The following SLC31A1 variants were observed in gnomAD, a reference collection of about 807,000 sequenced individuals.
SLC31A1 encodes the protein high affinity copper uptake protein 1.
Under a neutral mutation model 17.2 loss-of-function variants are expected in SLC31A1, and 5 were observed. That is an observed-to-expected ratio of 0.29 (90% confidence interval 0.15 to 0.61). SLC31A1 has a LOEUF of 0.61. Among genes scored for constraint, SLC31A1 ranks in the 20% least tolerant of loss-of-function variants. SLC31A1 has a pLI of 0.86. For synonymous variants in SLC31A1, 76 were observed against 78.8 expected, an observed-to-expected ratio of 0.96 and a Z score of 0.19; for missense variants, 161 against 241.4, an observed-to-expected ratio of 0.67 and a Z score of 2.21.
chr9:113,224,038 T>C (rs1831315233), intron 1 of SLC31A1, among the ~76,000 whole-genome samples: 1 of 152,226 alleles, frequency 6.6e-6, no homozygotes, highest in Non-Finnish European at 1.5e-5. Context: ...TTGCCATTCT[T>C]TTAACATAAG....
intron 4 of SLC31A1, 126 bp from the exon 5 acceptor site, chr9:113,260,146 T>G: frequency 1.3e-6 from 1 of 784,638 alleles, no homozygotes; most frequent in Admixed American, 1.8e-5. Flanking sequence ...AACATTCAAG[T>G]ACCCATGAGT....
At chr9:113,239,299 C>A (rs959253479) in intron 1 of SLC31A1, among the ~76,000 whole-genome samples, 3 of 146,048 alleles carry the variant, frequency 2.1e-5, no homozygotes, top group Admixed American at 6.9e-5. Flanking sequence ...GGAATAAATT[C>A]TTCTTACTAA....
chr9:113,256,366 C>A, intron 2 of SLC31A1, 89 bp downstream of exon 2: 1 of 1,466,560 alleles, frequency 6.8e-7, no homozygotes, highest in South Asian at 1.2e-5. Context: ...AGCTTATTAT[C>A]TTTAAAGGTC....
chr9:113,255,986 A>C, intron 1 of SLC31A1, 128 bp from the exon 2 acceptor site: 1 of 651,968 alleles, frequency 1.5e-6, no homozygotes, highest in South Asian at 2.1e-5. Context: ...CAGTAGTGGG[A>C]TCATGCCTGT....
At chr9:113,230,397 A>G (rs1162917505) in intron 1 of SLC31A1, among the ~76,000 whole-genome samples, 2 of 152,134 alleles carry the variant, frequency 1.3e-5, no homozygotes, top group African/African-American at 4.8e-5. Context: ...AGCTGAGACT[A>G]CAGGCATGCA....
At position 113,258,752 on chromosome 9, in the gene SLC31A1, G is replaced by A; in HGVS notation, c.261G>A (p.Lys87=). Residue 87 remains lysine (K), a synonymous_variant, in exon 4 of 5, where the codon AAG becomes AAA. Coordinates refer to ENST00000374212, the MANE Select transcript of SLC31A1 (RefSeq NM_001859.4). This position sits in a 1 kb window ranked among gnomAD's most constrained non-coding sequence, Gnocchi z 4.8. ...FLLAMFYEGL[K]IARESLLRKS... is the part of the protein sequence containing the mutation. ...TAGCAATGTTCTATGAAGGACTCAA[G>A]ATAGCCCGAGAGAGCCTGCTGCGTA... 6.2e-7 allele frequency: 1 copy of A among 1,614,202 alleles called. No homozygotes were observed. Among genetic ancestry groups the A allele is most frequent in the South Asian group, 1.1e-5 (1 of 91,084 alleles).
intron 1 of SLC31A1, among the ~76,000 whole-genome samples, chr9:113,233,155 T>C (rs2118988575): frequency 6.6e-6 from 1 of 152,266 alleles, no homozygotes; most frequent in Middle Eastern, 3.4e-3. Context: ...TCCTATGAAA[T>C]AGGTTAGTTT....
intron 1 of SLC31A1, among the ~76,000 whole-genome samples, chr9:113,255,204 G>C (rs1466834469): frequency 6.6e-6 from 1 of 152,138 alleles, no homozygotes; most frequent in African/African-American, 2.4e-5. Context: ...CAAATATCCT[G>C]ATTAGGCACA....
Position 113,221,578 on chromosome 9 carries a change from C to T in SLC31A1, c.-136C>T. The T allele has an allele frequency of 2.3e-6, 1 of 433,404 alleles. No individual in the cohort carries two copies. Among genetic ancestry groups the T allele is most frequent in the Non-Finnish European group, 4.3e-6 (1 of 230,794 alleles). 26.8% of individuals were successfully genotyped at this position (433,404 alleles called of 1,614,324 possible). On this transcript the variant is annotated 5_prime_UTR_variant, in exon 1 of 5. Transcript: ENST00000374212. ...GCCTCGGTGGCGGTGGTGGACACGT[C>T]GAGCCGGGTAGAAGTGGAGGGGCCG...
At chr9:113,260,171 T>C in intron 4 of SLC31A1, 101 bp from the exon 5 acceptor site, 1 of 986,532 alleles carries the variant, frequency 1.0e-6, no homozygotes. Context: ...AGAGTGGCTG[T>C]CCAGTTCCAG....
At chr9:113,251,023 A>G (rs1831646098) in intron 1 of SLC31A1, among the ~76,000 whole-genome samples, 1 of 152,236 alleles carries the variant, frequency 6.6e-6, no homozygotes, top group Non-Finnish European at 1.5e-5. Flanking sequence ...TCCAGTCACC[A>G]GAATCATGAG....
chr9:113,256,320 C>G lies in SLC31A1; in HGVS notation c.129+43C>G, dbSNP rs1333577496. ...GGCAATGCAGGCCCTTTCCCACCCA[C>G]TTGGGTAATAGAAATAATGGAATTT... On this transcript the variant is annotated intron_variant, in intron 2 of 4. Transcript: ENST00000374212. 3 of 1,608,190 alleles carry G rather than the reference C, an allele frequency of 1.9e-6. No individual in the cohort carries two copies. In the East Asian group the frequency reaches 6.7e-5, roughly 36 times the overall value.
intron 1 of SLC31A1, among the ~76,000 whole-genome samples, chr9:113,239,672 C>T (rs1423103465): frequency 6.6e-6 from 1 of 152,192 alleles, no homozygotes; most frequent in East Asian, 1.9e-4. Context: ...CAACCTCTGC[C>T]TCCTGGGTTC....
chr9:113,230,815 G>GT (rs936771529), intron 1 of SLC31A1, among the ~76,000 whole-genome samples: 3 of 152,098 alleles, frequency 2.0e-5, no homozygotes, highest in Admixed American at 6.6e-5. Flanking sequence ...GATCAGAATT[G>GT]TATCAGCCCC....
intron 1 of SLC31A1, among the ~76,000 whole-genome samples, chr9:113,251,945 A>G (rs1051002603): frequency 6.6e-6 from 1 of 152,186 alleles, no homozygotes; most frequent in Non-Finnish European, 1.5e-5. Context: ...ATAGGATTCC[A>G]TTACAATATA....
intron 1 of SLC31A1, among the ~76,000 whole-genome samples, chr9:113,229,124 G>T (rs530334379): frequency 7.9e-5 from 12 of 152,334 alleles, no homozygotes; most frequent in Admixed American, 2.6e-4. Flanking sequence ...GGGATTATAG[G>T]CGTGATCCAC....
intron 1 of SLC31A1, among the ~76,000 whole-genome samples, chr9:113,241,049 C>CA (rs11330445): frequency 0.17 from 16,073 of 94,744 alleles, 1,302 homozygotes; most frequent in Non-Finnish European, 0.22. Flanking sequence ...GACTCTGTCT[C>CA]AAAAAAAAAA....
At chr9:113,236,741 C>T (rs1184492400) in intron 1 of SLC31A1, among the ~76,000 whole-genome samples, 1 of 152,222 alleles carries the variant, frequency 6.6e-6, no homozygotes, top group African/African-American at 2.4e-5. Context: ...TGTTCCTTGA[C>T]TCAGGAAGCT....
At chr9:113,257,284 A>T in intron 3 of SLC31A1, 99 bp downstream of exon 3, 1 of 995,518 alleles carries the variant, frequency 1.0e-6, no homozygotes, top group Non-Finnish European at 1.6e-6. Flanking sequence ...CTAATTACTA[A>T]GTCAACATGG....
Sources: allele counts gnomAD v4.1 joint callset (sites outside exome capture counted in the v4.1 genomes callset), GRCh38; gene constraint gnomAD v4.1.1; non-coding constraint Gnocchi (gnomAD v3.1); transcripts MANE v1.5; gene names NCBI Gene and HGNC (gene_info 2026-07-23, HGNC 2026-07-21).